Variants in TTI2 observed in about 807,000 individuals in gnomAD.
TTI2 encodes the protein TELO2 interacting protein 2.
Under a neutral mutation model 44.9 loss-of-function variants are expected in TTI2, and 26 were observed. That is an observed-to-expected ratio of 0.58 (90% CI 0.42 to 0.80). The LOEUF is 0.80. Ranked by LOEUF, TTI2 falls within the 30% of genes least tolerant of loss-of-function variation. The pLI, the probability that TTI2 is intolerant of heterozygous loss-of-function variation, is 0.00. For missense variants in TTI2, 582 were observed against 611.6 expected, an observed-to-expected ratio of 0.95 and a Z score of 0.51; for synonymous variants, 254 against 250.9, an observed-to-expected ratio of 1.01 and a Z score of -0.12.
At chr8:33,500,536 T>C (rs766453428) in intron 6 of TTI2, 46 bp from the exon 7 acceptor site, 5 of 1,607,902 alleles carry the variant, frequency 3.1e-6, no homozygotes, top group East Asian at 2.2e-5. Flanking sequence ...AATCTGGATA[T>C]TAAAATTGGA....
At chr8:33,509,231 G>A (rs1809422440) in intron 3 of TTI2, among the ~76,000 whole-genome samples, 2 of 151,394 alleles carry the variant, frequency 1.3e-5, no homozygotes, top group African/African-American at 2.4e-5. Flanking sequence ...GGCTGAGGCA[G>A]GTGGATCACA....
intron 3 of TTI2, 136 bp from the exon 4 acceptor site, chr8:33,507,457 G>A (rs1229193706): frequency 5.2e-6 from 4 of 763,730 alleles, no homozygotes; most frequent in Non-Finnish European, 6.9e-6. Context: ...GTTTCGAGTT[G>A]AAAATATTGC....
At chr8:33,510,566 G>A (rs1157107556) in intron 2 of TTI2, among the ~76,000 whole-genome samples, 1 of 151,964 alleles carries the variant, frequency 6.6e-6, no homozygotes, top group Non-Finnish European at 1.5e-5. Flanking sequence ...TAGTAGAGAC[G>A]GGGTTTCACC....
chr8:33,504,005 T>G, intron 4 of TTI2, 70 bp from the exon 5 acceptor site: 5 of 1,503,530 alleles, frequency 3.3e-6, no homozygotes, highest in Non-Finnish European at 4.6e-6. Flanking sequence ...CTGACTTCTC[T>G]AGAACTTCAT....
chr8:33,507,222 C>G lies in TTI2; in HGVS notation c.927+7G>C. 6.2e-7 allele frequency: 1 copy of G among 1,612,694 alleles called. No homozygotes were observed. Among genetic ancestry groups the G allele is most frequent in the Non-Finnish European group, 8.5e-7 (1 of 1,178,672 alleles). Reference sequence around the variant, plus strand: ...CAGACCCAGTTATGAAGAAATCATACTATTACCTGAATGAGGTGGTGCTCT... The same window carrying G: ...CAGACCCAGTTATGAAGAAATCATAGTATTACCTGAATGAGGTGGTGCTCT... On this transcript the variant is annotated splice_region_variant and intron_variant, in intron 4 of 7. Coordinates refer to ENST00000431156, the MANE Select transcript of TTI2 (RefSeq NM_001102401.4).
rs1466374625 is a variant in TTI2, at chr8:33,513,098, C to G, written c.-116G>C. On this transcript the variant is annotated 5_prime_UTR_variant, in exon 1 of 8. Coordinates refer to ENST00000431156, the MANE Select transcript of TTI2 (RefSeq NM_001102401.4). ...CCCAGGTACCTGCAACGGCTCGCGC[C>G]CGCCGGTGTCTAACAGGATCCGGAC... 1 of 158,982 alleles carries G rather than the reference C, an allele frequency of 6.3e-6. No individual in the cohort carries two copies. The highest frequency in any genetic ancestry group is 2.4e-5 in the African/African-American group (1 of 41,466). The allele number at this position is 158,982 out of a possible 1,614,324, so 9.8% of individuals were successfully genotyped here. A position where few individuals can be genotyped will look rare whatever the true frequency, so the allele number is the denominator to read the frequency against.
intron 4 of TTI2, among the ~76,000 whole-genome samples, chr8:33,506,196 T>C (rs1022775762): frequency 7.9e-5 from 12 of 152,204 alleles, no homozygotes; most frequent in Non-Finnish European, 1.5e-5. Flanking sequence ...TTTCCAAAGC[T>C]TATCTTAAAG....
chr8:33,500,175 T>A, intron 7 of TTI2, 153 bp downstream of exon 7: 1 of 765,510 alleles, frequency 1.3e-6, no homozygotes, highest in East Asian at 2.7e-5. Flanking sequence ...AAGATCAAGC[T>A]CTTTTGAGGC....
In TTI2 at chr8:33,498,983, A is replaced by G; in HGVS notation, c.*190T>C. 3.3e-6 allele frequency: 2 copies of G among 606,950 alleles called. No homozygotes were observed. Among genetic ancestry groups the G allele is most frequent in the Non-Finnish European group, 2.9e-6 (1 of 345,994 alleles). The allele number at this position is 606,950 out of a possible 1,614,324, so 37.6% of individuals were successfully genotyped here. A position where few individuals can be genotyped will look rare whatever the true frequency, so the allele number is the denominator to read the frequency against. On this transcript the variant is annotated 3_prime_UTR_variant, in exon 8 of 8. Coordinates refer to ENST00000431156, the MANE Select transcript of TTI2 (RefSeq NM_001102401.4). ...TTTTTCTCCCAAACTTTATTTAGAA[A>G]TGGAAGGAGTTCAATTTTTTCTTGT...
At chr8:33,508,021 C>T (rs2128829635) in intron 3 of TTI2, among the ~76,000 whole-genome samples, 1 of 138,194 alleles carries the variant, frequency 7.2e-6, no homozygotes, top group South Asian at 2.3e-4. Flanking sequence ...ATGTACTGCC[C>T]CTAGCCACAT....
At chr8:33,508,979 T>A (rs1398809770) in intron 3 of TTI2, among the ~76,000 whole-genome samples, 2 of 151,172 alleles carry the variant, frequency 1.3e-5, no homozygotes, top group African/African-American at 2.4e-5. Context: ...CCATTTCCAC[T>A]AAAAATACAA....
intron 6 of TTI2, among the ~76,000 whole-genome samples, chr8:33,502,126 TA>T: frequency 6.6e-6 from 1 of 152,048 alleles, no homozygotes; most frequent in East Asian, 1.9e-4. Flanking sequence ...GTATATTTAG[TA>T]AAGACGGGGT....
chr8:33,504,521 C>T (rs955644567), intron 4 of TTI2, among the ~76,000 whole-genome samples: 2 of 151,930 alleles, frequency 1.3e-5, no homozygotes, highest in Non-Finnish European at 2.9e-5. Flanking sequence ...GTGATCCACT[C>T]GCCTTGGCTT....
chr8:33,511,441 C>T (rs768905084), intron 2 of TTI2, among the ~76,000 whole-genome samples: 8 of 152,018 alleles, frequency 5.3e-5, no homozygotes, highest in Admixed American at 2.0e-4. Flanking sequence ...CAACTGAGCC[C>T]GAACATCTCA....
chr8:33,512,719 T>A lies in TTI2; in HGVS notation c.-99-7A>T. 1 of 1,300,032 alleles carries A rather than the reference T, an allele frequency of 7.7e-7. No homozygotes were observed. Among genetic ancestry groups the A allele is most frequent in the Non-Finnish European group, 1.1e-6 (1 of 942,102 alleles). 80.5% of individuals were successfully genotyped at this position (1,300,032 alleles called of 1,614,324 possible). A position where few individuals can be genotyped will look rare whatever the true frequency, so the allele number is the denominator to read the frequency against. Reference sequence around the variant, plus strand: ...AGCGATCACCCAAAGAGAACTAAAATCAAATAAAATAAAACAGAGAGATGT... The same window carrying A: ...AGCGATCACCCAAAGAGAACTAAAAACAAATAAAATAAAACAGAGAGATGT... On this transcript the variant is annotated splice_polypyrimidine_tract_variant and splice_region_variant and intron_variant, in intron 1 of 7. Coordinates refer to ENST00000431156, the MANE Select transcript of TTI2 (RefSeq NM_001102401.4).
intron 3 of TTI2, among the ~76,000 whole-genome samples, chr8:33,509,469 AAAAAAAAG>A (rs1393137039): frequency 1.2e-4 from 17 of 146,972 alleles, no homozygotes; most frequent in African/African-American, 2.3e-4. Context: ...AAAAAAAAAA[AAAAAAAAG>A]AAAGAAAGAA....
chr8:33,507,443 G>T, intron 3 of TTI2, 122 bp from the exon 4 acceptor site: 1 of 816,270 alleles, frequency 1.2e-6, no homozygotes, highest in Non-Finnish European at 2.1e-6. Context: ...AAATATGCAT[G>T]ATTGTTTCGA....
In TTI2 at chr8:33,509,878, T is replaced by C; in HGVS notation, c.702A>G (p.Gln234=). The change falls in exon 3 of 8, where the codon CAA becomes CAG. Residue 234 remains glutamine (Q), a synonymous_variant. Transcript: ENST00000431156. ...GGCTCAGCCAGGGCCGAGTGACCTGTTGCAGAGTCCATGAGAAAACATGTT... is the reference window on the plus strand; with the variant it reads ...GGCTCAGCCAGGGCCGAGTGACCTGCTGCAGAGTCCATGAGAAAACATGTT... ...AIKHVFSWTL[Q]QVTRPWLSQH... is the part of the protein sequence containing the mutation. 6.2e-7 allele frequency: 1 copy of C among 1,613,952 alleles called. No individual in the cohort carries two copies. The highest frequency in any genetic ancestry group is 8.5e-7 in the Non-Finnish European group (1 of 1,179,986).
chr8:33,508,514 C>T (rs7818604), intron 3 of TTI2, among the ~76,000 whole-genome samples: 79,797 of 150,448 alleles, frequency 0.53, 21,460 homozygotes, highest in Non-Finnish European at 0.58. Context: ...TAGAGGCTGA[C>T]GCACAAGAAT....
Sources: allele counts gnomAD v4.1 joint callset (sites outside exome capture counted in the v4.1 genomes callset), GRCh38; gene constraint gnomAD v4.1.1; transcripts MANE v1.5; gene names NCBI Gene and HGNC (gene_info 2026-07-23, HGNC 2026-07-21).